Variants in PARD3B observed in about 807,000 individuals in gnomAD.
The protein encoded by PARD3B is partitioning defective 3 homolog B.
A neutral mutation model predicts 130.2 loss-of-function variants in PARD3B; 103 were observed. The observed-to-expected ratio is 0.79, with a 90% confidence interval of 0.67 to 0.93. PARD3B has a LOEUF of 0.93. PARD3B is among the 40% of genes least tolerant of loss of function. The pLI, the probability that PARD3B is intolerant of heterozygous loss-of-function variation, is 0.00. For synonymous variants in PARD3B, 583 were observed against 553.2 expected, an observed-to-expected ratio of 1.05 and a Z score of -0.76; for missense variants, 1,609 against 1,499.2, an observed-to-expected ratio of 1.07 and a Z score of -1.21.
intron 1 of PARD3B, among the ~76,000 whole-genome samples, chr2:204,665,786 G>A (rs2125193580): frequency 1.3e-5 from 2 of 152,278 alleles, no homozygotes; most frequent in South Asian, 4.1e-4. Context: ...GGATAAATGA[G>A]ATCTAACATA....
intron 1 of PARD3B, among the ~76,000 whole-genome samples, chr2:204,608,697 A>G (rs2125113459): frequency 6.6e-6 from 1 of 152,276 alleles, no homozygotes; most frequent in South Asian, 2.1e-4. Flanking sequence ...GTAGATTATG[A>G]TGCCCTGACT....
At chr2:204,670,746 A>C (rs979706350) in intron 1 of PARD3B, among the ~76,000 whole-genome samples, 3 of 152,040 alleles carry the variant, frequency 2.0e-5, no homozygotes, top group African/African-American at 7.2e-5. Flanking sequence ...GAATGCAGCT[A>C]TTGTTACTTT....
chr2:205,109,514 A>C (rs1703468064), intron 5 of PARD3B, among the ~76,000 whole-genome samples: 2 of 152,240 alleles, frequency 1.3e-5, no homozygotes, highest in Admixed American at 1.3e-4. Context: ...TTCCTTAGAC[A>C]GTTCTAACAA....
At chr2:204,630,090 A>G (rs952369340) in intron 1 of PARD3B, among the ~76,000 whole-genome samples, 1 of 152,126 alleles carries the variant, frequency 6.6e-6, no homozygotes, top group African/African-American at 2.4e-5. Context: ...TAAATTCTTG[A>G]GCTTATGATT....
chr2:205,147,431 G>A (rs776736340), intron 10 of PARD3B, among the ~76,000 whole-genome samples: 1 of 152,010 alleles, frequency 6.6e-6, no homozygotes, highest in Non-Finnish European at 1.5e-5. Context: ...ATTACATTAA[G>A]GTACTGACTA....
chr2:205,114,946 T>C (rs1464894024), intron 6 of PARD3B, among the ~76,000 whole-genome samples: 1 of 152,100 alleles, frequency 6.6e-6, no homozygotes, highest in Non-Finnish European at 1.5e-5. Context: ...GGGTGAATAT[T>C]TACTCAGTTG....
intron 2 of PARD3B, among the ~76,000 whole-genome samples, chr2:204,947,623 G>C (rs1689439720): frequency 7.4e-6 from 1 of 135,234 alleles, no homozygotes; most frequent in Non-Finnish European, 1.5e-5. Context: ...TTATTAACTA[G>C]CCACATGTCT....
intron 15 of PARD3B, among the ~76,000 whole-genome samples, chr2:205,210,952 A>G (rs746450168): frequency 3.9e-5 from 6 of 152,092 alleles, no homozygotes; most frequent in Non-Finnish European, 8.8e-5. Flanking sequence ...CACAGGGGAA[A>G]ATAGATACTT....
intron 18 of PARD3B, among the ~76,000 whole-genome samples, chr2:205,361,603 G>A (rs1455922640): frequency 6.6e-6 from 1 of 152,128 alleles, no homozygotes; most frequent in Non-Finnish European, 1.5e-5. Context: ...TCTAGACCCA[G>A]GGTTTTATCC....
At chr2:204,793,786 T>G (rs2042275360) in intron 2 of PARD3B, among the ~76,000 whole-genome samples, 1 of 152,072 alleles carries the variant, frequency 6.6e-6, no homozygotes, top group Non-Finnish European at 1.5e-5. Context: ...GGATTACAGG[T>G]GTGAGCCACC....
chr2:205,255,982 C>T (rs561435785), intron 16 of PARD3B, among the ~76,000 whole-genome samples: 1 of 152,226 alleles, frequency 6.6e-6, no homozygotes, highest in African/African-American at 2.4e-5. Context: ...CCTCTAGTCA[C>T]TTGGTTGATT....
At chr2:205,459,840 G>C (rs1269012683) in intron 20 of PARD3B, among the ~76,000 whole-genome samples, 8 of 152,164 alleles carry the variant, frequency 5.3e-5, no homozygotes, top group Non-Finnish European at 1.2e-4. Flanking sequence ...CTAATCTGGT[G>C]GTGGTCAACT....
intron 18 of PARD3B, among the ~76,000 whole-genome samples, chr2:205,344,008 G>C (rs1327660120): frequency 1.3e-5 from 2 of 152,052 alleles, no homozygotes; most frequent in Non-Finnish European, 2.9e-5. Flanking sequence ...CAGCAAGGAG[G>C]CTATTTTCTT....
intron 1 of PARD3B, among the ~76,000 whole-genome samples, chr2:204,632,405 G>T (rs1417267232): frequency 6.6e-6 from 1 of 152,108 alleles, no homozygotes; most frequent in Non-Finnish European, 1.5e-5. Context: ...GTGTTCTTGC[G>T]CTGATTCTTT....
intron 22 of PARD3B, among the ~76,000 whole-genome samples, chr2:205,607,490 T>C (rs1037254711): frequency 5.9e-5 from 9 of 152,076 alleles, no homozygotes; most frequent in Non-Finnish European, 1.3e-4. Flanking sequence ...ATTTAACCTC[T>C]CTGCTTCTCG....
intron 15 of PARD3B, among the ~76,000 whole-genome samples, chr2:205,197,039 G>GTGTA (rs2036730139): frequency 6.8e-6 from 1 of 147,278 alleles, no homozygotes; most frequent in Middle Eastern, 3.5e-3. Flanking sequence ...GGGGGTGTGT[G>GTGTA]TGTGTGTGTG....
chr2:205,615,272 G>A (rs2055382518), intron 22 of PARD3B, among the ~76,000 whole-genome samples, 184 bp from the exon 23 acceptor site: 1 of 152,130 alleles, frequency 6.6e-6, no homozygotes, highest in African/African-American at 2.4e-5. Context: ...TGGCCAACAG[G>A]AAGGAGAGAA....
At chr2:204,588,250 G>A (rs998245969) in intron 1 of PARD3B, among the ~76,000 whole-genome samples, 154 of 152,144 alleles carry the variant, frequency 1.0e-3, no homozygotes, top group African/African-American at 3.5e-3. Context: ...TGCAGAACAA[G>A]CTAAACAATA....
At chr2:205,485,290 A>G (rs931461582) in intron 20 of PARD3B, among the ~76,000 whole-genome samples, 1 of 152,148 alleles carries the variant, frequency 6.6e-6, no homozygotes, top group African/African-American at 2.4e-5. Flanking sequence ...TCACCAGATG[A>G]TGTTACTAGT....
Sources: gnomAD v4.1 joint callset for allele counts (sites outside exome capture counted in the v4.1 genomes callset) on GRCh38, gnomAD v4.1.1 for gene constraint, MANE v1.5 for transcripts, NCBI Gene and HGNC (gene_info 2026-07-23, HGNC 2026-07-21) for gene names.